Variants in FGGY observed in about 807,000 individuals in gnomAD.
The protein encoded by FGGY is FGGY carbohydrate kinase domain containing, also known as FGGY carbohydrate kinase domain-containing protein.
Under a neutral mutation model 71.3 loss-of-function variants are expected in FGGY, and 72 were observed. The observed-to-expected ratio is 1.01, with a 90% CI of 0.84 to 1.23. The LOEUF is 1.23. FGGY is among the 50% of genes most tolerant of loss of function. FGGY has a pLI of 0.00. For missense variants in FGGY, 668 were observed against 682.3 expected, an observed-to-expected ratio of 0.98 and a Z score of 0.23; for synonymous variants, 251 against 250.3, an observed-to-expected ratio of 1.00 and a Z score of -0.02.
intron 8 of FGGY, among the ~76,000 whole-genome samples, chr1:59,558,972 G>A (rs566796001): frequency 3.3e-5 from 5 of 152,134 alleles, no homozygotes; most frequent in African/African-American, 7.2e-5. Context: ...CTTTTTGCCC[G>A]ACCCCACAGG....
intron 8 of FGGY, among the ~76,000 whole-genome samples, chr1:59,595,050 C>G (rs1239560610): frequency 1.3e-5 from 2 of 152,154 alleles, no homozygotes; most frequent in Admixed American, 1.3e-4. Context: ...TTTCCTGCTT[C>G]CCAAGTAGCT....
intron 7 of FGGY, among the ~76,000 whole-genome samples, chr1:59,531,469 A>T (rs1009596800): frequency 3.3e-5 from 5 of 152,202 alleles, no homozygotes; most frequent in Admixed American, 3.3e-4. Flanking sequence ...GTATCCACAT[A>T]TTCAACTCAC....
At chr1:59,735,388 C>G (rs1302707273) in intron 14 of FGGY, among the ~76,000 whole-genome samples, 1 of 152,212 alleles carries the variant, frequency 6.6e-6, no homozygotes, top group Admixed American at 6.5e-5. Context: ...GCCTGGGAGT[C>G]AGGAGGCCCA....
chr1:59,672,190 T>A (rs1196099071), intron 13 of FGGY, among the ~76,000 whole-genome samples: 5 of 152,182 alleles, frequency 3.3e-5, no homozygotes, highest in African/African-American at 4.8e-5. Context: ...CATCTGTCCT[T>A]CCCCTCTGGA....
chr1:59,653,625 T>C (rs1020664059), intron 11 of FGGY, among the ~76,000 whole-genome samples: 2 of 152,224 alleles, frequency 1.3e-5, no homozygotes, highest in African/African-American at 2.4e-5. Flanking sequence ...GCATGGTGCT[T>C]GCACCCACTG....
At chr1:59,392,726 A>G (rs1297761124) in intron 5 of FGGY, among the ~76,000 whole-genome samples, 1 of 152,022 alleles carries the variant, frequency 6.6e-6, no homozygotes, top group Non-Finnish European at 1.5e-5. Flanking sequence ...TCGAAAAAAT[A>G]TACCTTCTTT....
intron 5 of FGGY, among the ~76,000 whole-genome samples, chr1:59,402,617 C>A (rs930109887): frequency 6.6e-6 from 1 of 152,062 alleles, no homozygotes; most frequent in South Asian, 2.1e-4. Flanking sequence ...GTACATATTG[C>A]TTAGTATTTG....
intron 14 of FGGY, among the ~76,000 whole-genome samples, chr1:59,732,504 T>C (rs879856166): frequency 3.3e-5 from 5 of 152,116 alleles, no homozygotes; most frequent in Non-Finnish European, 5.9e-5. Flanking sequence ...AATGGGGAAG[T>C]GCAGGGAGGG....
At chr1:59,375,708 G>A (rs944826584) in intron 4 of FGGY, among the ~76,000 whole-genome samples, 16 of 152,214 alleles carry the variant, frequency 1.1e-4, no homozygotes, top group South Asian at 6.2e-4. Context: ...AAGAAAGAAC[G>A]CAGGGACTCC....
intron 12 of FGGY, among the ~76,000 whole-genome samples, chr1:59,666,203 T>G (rs1468373165): frequency 6.6e-6 from 1 of 150,602 alleles, no homozygotes; most frequent in African/African-American, 2.5e-5. Flanking sequence ...TCTTCCCTCC[T>G]TTTTAGCAAT....
At chr1:59,330,884 C>A (rs1409844325) in intron 2 of FGGY, among the ~76,000 whole-genome samples, 1 of 152,022 alleles carries the variant, frequency 6.6e-6, no homozygotes, top group Non-Finnish European at 1.5e-5. Flanking sequence ...ACCAGTCTTG[C>A]AACAGATTCA....
chr1:59,549,792 A>G (rs1475907846), intron 7 of FGGY, among the ~76,000 whole-genome samples: 1 of 152,206 alleles, frequency 6.6e-6, no homozygotes, highest in African/African-American at 2.4e-5. Flanking sequence ...TTTTACATAA[A>G]TATAGTAGGG....
At chr1:59,461,317 A>G (rs1007891061) in intron 6 of FGGY, among the ~76,000 whole-genome samples, 1 of 152,224 alleles carries the variant, frequency 6.6e-6, no homozygotes. Context: ...AAGAAAGGGT[A>G]TCAGTGATTG....
rs139823583 is a variant in FGGY at position 59,520,580 on chromosome 1, G to A, written c.799+8141G>A. ...TTTTCACCAAATCATGTTCACGTTT[G>A]TATGCCCATCATCCAGCATGAAATC... On this transcript the variant is annotated intron_variant, in intron 7 of 15. Coordinates refer to ENST00000303721, the MANE Select transcript of FGGY (RefSeq NM_018291.5). Among the ~76,000 whole-genome samples, 84 of 152,230 alleles carry A rather than the reference G, an allele frequency of 5.5e-4. No homozygotes were observed. The East Asian group carries it at 0.016, about 29-fold the overall frequency.
intron 10 of FGGY, among the ~76,000 whole-genome samples, chr1:59,635,172 ATTAG>A (rs1428196197): frequency 1.3e-5 from 2 of 152,232 alleles, no homozygotes; most frequent in African/African-American, 4.8e-5. Context: ...AATGATGTGT[ATTAG>A]TTAGTTTAAT....
intron 5 of FGGY, among the ~76,000 whole-genome samples, chr1:59,391,487 T>C (rs771405195): frequency 2.0e-5 from 3 of 152,234 alleles, no homozygotes; most frequent in Non-Finnish European, 4.4e-5. Context: ...CTCTGCTACA[T>C]TGAGGCAAAG....
chr1:59,447,267 C>G (rs1304477657), intron 5 of FGGY, among the ~76,000 whole-genome samples: 2 of 152,140 alleles, frequency 1.3e-5, no homozygotes, highest in Non-Finnish European at 1.5e-5. Context: ...AGTTATCTGG[C>G]TAGGCTATTT....
chr1:59,653,354 T>G lies in FGGY; in HGVS notation c.1222-6865T>G, dbSNP rs531206575. ...ATGGCGGGCGCCCCTCCCCCAGCCT[T>G]GCTGCCGCCTTGCAGTTTGATCTCA... is the stretch of plus-strand genomic sequence containing the variant. On this transcript the variant is annotated intron_variant, in intron 11 of 15. Coordinates refer to ENST00000303721, the MANE Select transcript of FGGY (RefSeq NM_018291.5). Among the ~76,000 whole-genome samples, 80 of 152,168 alleles carry G rather than the reference T, an allele frequency of 5.3e-4. 1 individual carries two copies. The highest frequency in any genetic ancestry group is 1.9e-3 in the African/African-American group (77 of 41,470).
chr1:59,704,615 C>T (rs886827252), intron 14 of FGGY, among the ~76,000 whole-genome samples: 13 of 152,038 alleles, frequency 8.6e-5, no homozygotes, highest in African/African-American at 1.5e-4. Context: ...ACATATAAAG[C>T]TGCCCCATGT....
Sources: allele counts gnomAD v4.1 joint callset (sites outside exome capture counted in the v4.1 genomes callset), GRCh38; gene constraint gnomAD v4.1.1; transcripts MANE v1.5; gene names NCBI Gene and HGNC (gene_info 2026-07-23, HGNC 2026-07-21).